CNBD1: variants seen among roughly 807,000 people sequenced by gnomAD.
The protein encoded by CNBD1 is cyclic nucleotide binding domain containing 1, also known as cyclic nucleotide-binding domain-containing protein 1.
In CNBD1, 71 loss-of-function variants were observed where a neutral mutation model predicts 54.4. The ratio of observed to expected loss-of-function variants is 1.30; its 90% confidence interval spans 1.08 to 1.59. CNBD1 has a LOEUF of 1.59. CNBD1 is among the 40% of genes most tolerant of loss of function. The pLI is 0.00. For missense variants in CNBD1, 659 were observed against 518.0 expected (o/e 1.27, Z -2.64); for synonymous variants, 182 against 170.7 (o/e 1.07, Z -0.51).
chr8:87,237,767 A>C (rs1036641170), intron 6 of CNBD1, among the ~76,000 whole-genome samples: 2 of 152,134 alleles, frequency 1.3e-5, no homozygotes, highest in Non-Finnish European at 2.9e-5. Flanking sequence ...AATTAAAACC[A>C]AATAATTTAG....
intron 10 of CNBD1, among the ~76,000 whole-genome samples, chr8:87,359,167 A>C (rs1810482502): frequency 6.6e-6 from 1 of 152,172 alleles, no homozygotes; most frequent in Admixed American, 6.6e-5. Context: ...CTGGCAGCCT[A>C]ACATTCAAAT....
chr8:87,391,955 C>A (rs946274995), intron 2 of CNBD1, among the ~76,000 whole-genome samples: 2 of 151,932 alleles, frequency 1.3e-5, no homozygotes, highest in East Asian at 3.9e-4. Context: ...ACTTTATACC[C>A]AGCATGTAAA....
chr8:86,952,981 A>G (rs1297216113), intron 4 of CNBD1, among the ~76,000 whole-genome samples: 1 of 152,240 alleles, frequency 6.6e-6, no homozygotes, highest in African/African-American at 2.4e-5. Context: ...ACATGGAATT[A>G]AATAGTATTA....
intron 8 of CNBD1, among the ~76,000 whole-genome samples, chr8:87,288,957 A>G (rs1808740926): frequency 6.6e-6 from 1 of 152,076 alleles, no homozygotes; most frequent in South Asian, 2.1e-4. Flanking sequence ...AAATTCATCT[A>G]ATTTTCTTTT....
chr8:86,953,840 C>G (rs1807689691), intron 4 of CNBD1, among the ~76,000 whole-genome samples: 1 of 152,006 alleles, frequency 6.6e-6, no homozygotes, highest in Admixed American at 6.6e-5. Context: ...GCACTCCAGC[C>G]TAGGTGACAG....
At chr8:87,395,078 A>G (rs1389138586) in intron 2 of CNBD1, among the ~76,000 whole-genome samples, 2 of 151,962 alleles carry the variant, frequency 1.3e-5, no homozygotes, top group Admixed American at 6.6e-5. Context: ...AAAATACAAT[A>G]ACATAAAGTT....
chr8:86,887,772 G>A (rs1050048319), intron 2 of CNBD1, among the ~76,000 whole-genome samples, 161 bp downstream of exon 2: 27 of 152,120 alleles, frequency 1.8e-4, no homozygotes, highest in African/African-American at 6.5e-4. Flanking sequence ...TCTTCAGATT[G>A]AAGGGGCAGA....
At position 86,939,684 on chromosome 8, in the gene CNBD1, G is replaced by A. The variant is rs2130425292; in HGVS notation, c.361G>A (p.Gly121Ser). The A allele has an allele frequency of 1.2e-6, 2 of 1,604,184 alleles. No individual in the cohort carries two copies. The highest frequency in any genetic ancestry group is 2.2e-5 in the East Asian group (1 of 44,632). Reference protein sequence around the residue: ...IAVHVQRAHGGHILYRPKRAT... With the variant: ...IAVHVQRAHGSHILYRPKRAT... ...TGTCCATGTTCAGAGAGCACATGGTGGCCATATTTTATATAGACCAAAAAG... is the reference window on the plus strand; with the variant it reads ...TGTCCATGTTCAGAGAGCACATGGTAGCCATATTTTATATAGACCAAAAAG... The change falls in exon 4 of 11, where the codon GGC (glycine) becomes AGC (serine). Residue 121 changes from glycine to serine, a missense_variant. Physicochemically the swap from Gly to Ser is moderately conservative, Grantham distance 56. Transcript: ENST00000518476.
intron 10 of CNBD1, among the ~76,000 whole-genome samples, chr8:87,362,542 A>G (rs1228255817): frequency 2.6e-5 from 4 of 152,030 alleles, no homozygotes; most frequent in African/African-American, 9.7e-5. Context: ...CTTGAGACAG[A>G]TTTTTAATCA....
chr8:87,408,178 C>A (rs1285197150), intron 2 of CNBD1, among the ~76,000 whole-genome samples: 1 of 151,986 alleles, frequency 6.6e-6, no homozygotes, highest in African/African-American at 2.4e-5. Flanking sequence ...ATTACCTCCT[C>A]AAACATTGCT....
At chr8:87,077,875 C>G (rs1176354109) in intron 4 of CNBD1, among the ~76,000 whole-genome samples, 1 of 152,068 alleles carries the variant, frequency 6.6e-6, no homozygotes, top group African/African-American at 2.4e-5. Flanking sequence ...CTGCAATAAA[C>G]ACACGTGTGC....
intron 5 of CNBD1, among the ~76,000 whole-genome samples, chr8:87,235,031 C>G (rs1327045569): frequency 6.6e-6 from 1 of 152,124 alleles, no homozygotes; most frequent in Non-Finnish European, 1.5e-5. Flanking sequence ...ATAGATATGT[C>G]TTCTATCTTT....
At chr8:87,149,552 C>T (rs747405154) in intron 4 of CNBD1, among the ~76,000 whole-genome samples, 1 of 152,056 alleles carries the variant, frequency 6.6e-6, no homozygotes, top group Admixed American at 6.6e-5. Context: ...TCACATGCTG[C>T]CCCCTATCCT....
At chr8:87,216,395 C>G (rs759289328) in intron 5 of CNBD1, among the ~76,000 whole-genome samples, 3 of 152,152 alleles carry the variant, frequency 2.0e-5, no homozygotes, top group Non-Finnish European at 4.4e-5. Flanking sequence ...ATATCATACA[C>G]GTACACTACA....
chr8:87,143,111 G>T (rs1812405792), intron 4 of CNBD1, among the ~76,000 whole-genome samples: 1 of 152,066 alleles, frequency 6.6e-6, no homozygotes, highest in Admixed American at 6.6e-5. Context: ...CTTTGCACCT[G>T]GGGTCATCCT....
chr8:86,888,116 C>T lies in CNBD1; in HGVS notation c.158+505C>T, dbSNP rs148724388. On this transcript the variant is annotated intron_variant, in intron 2 of 10. Transcript: ENST00000518476. Reference sequence around the variant, plus strand: ...GAATTATAAAACTGGTTATTTCCTTCCATATGCATCAGTGTCCATCCACCC... The same window carrying T: ...GAATTATAAAACTGGTTATTTCCTTTCATATGCATCAGTGTCCATCCACCC... 1.5e-3 allele frequency among the ~76,000 whole-genome samples: 235 copies of T among 152,266 alleles called. 1 individual carries two copies. The highest frequency in any genetic ancestry group is 0.014 in the Middle Eastern group (4 of 294).
At position 86,994,320 on chromosome 8, in the gene CNBD1, A is replaced by T. The variant is rs77838153; in HGVS notation, c.431+54566A>T. ...CCCAGGCTGGACAGCAAAGTCTGTG[A>T]TGTGCACAAAAGGCCCTGGTAGGGA... On this transcript the variant is annotated intron_variant, in intron 4 of 10. Coordinates refer to ENST00000518476, the MANE Select transcript of CNBD1 (RefSeq NM_173538.3). Among the ~76,000 whole-genome samples, 1,172 of 152,316 alleles carry T rather than the reference A, an allele frequency of 7.7e-3. 15 individuals are homozygous for T. The highest frequency in any genetic ancestry group is 0.027 in the African/African-American group (1,128 of 41,576).
intron 4 of CNBD1, among the ~76,000 whole-genome samples, chr8:87,113,345 G>A (rs1170595306): frequency 6.6e-6 from 1 of 152,172 alleles, no homozygotes; most frequent in Non-Finnish European, 1.5e-5. Context: ...AGCTTTTGGA[G>A]TTTTACAGAC....
intron 5 of CNBD1, among the ~76,000 whole-genome samples, chr8:87,228,944 G>C (rs1814589186): frequency 6.6e-6 from 1 of 152,200 alleles, no homozygotes; most frequent in Admixed American, 6.5e-5. Context: ...ATCTCATGGT[G>C]CGCCGTTTTT....
Sources: gnomAD v4.1 joint callset for allele counts (sites outside exome capture counted in the v4.1 genomes callset) on GRCh38, gnomAD v4.1.1 for gene constraint, MANE v1.5 for transcripts, NCBI Gene and HGNC (gene_info 2026-07-23, HGNC 2026-07-21) for gene names.